Variants in SHB observed in about 807,000 individuals in gnomAD.
SHB encodes SH2 domain-containing adapter protein B.
Under a neutral mutation model 52.3 loss-of-function variants are expected in SHB, and 20 were observed. The observed-to-expected ratio is 0.38, with a 90% CI of 0.27 to 0.56. The LOEUF is 0.56. Ranked by LOEUF, SHB falls within the 20% of genes least tolerant of loss-of-function variation. The pLI, the probability that SHB is intolerant of heterozygous loss-of-function variation, is 0.71. For missense variants in SHB, 825 were observed against 723.3 expected (o/e 1.14, Z -1.61); for synonymous variants, 397 against 316.5 (o/e 1.25, Z -2.70).
chr9:37,982,992 C>T (rs1214952932), intron 2 of SHB, among the ~76,000 whole-genome samples: 1 of 136,826 alleles, frequency 7.3e-6, no homozygotes. Context: ...TCCATCTTTT[C>T]CAGCTGTGCT....
chr9:38,047,403 G>A (rs898435860), intron 1 of SHB, among the ~76,000 whole-genome samples: 2 of 152,214 alleles, frequency 1.3e-5, no homozygotes, highest in African/African-American at 4.8e-5. Flanking sequence ...CCACAAGTGT[G>A]TACACACACC....
intron 1 of SHB, among the ~76,000 whole-genome samples, chr9:38,067,464 G>A (rs1821985146): frequency 6.6e-6 from 1 of 152,218 alleles, no homozygotes; most frequent in South Asian, 2.1e-4. Context: ...GCTGGAGACA[G>A]CCGGTCCGGA....
chr9:37,992,167 G>A (rs1394392916), intron 2 of SHB, among the ~76,000 whole-genome samples: 2 of 152,176 alleles, frequency 1.3e-5, no homozygotes, highest in African/African-American at 4.8e-5. Flanking sequence ...TTGAGAGGCC[G>A]AGGTGGGAGG....
At chr9:37,963,821 T>C (rs1249892959) in intron 3 of SHB, among the ~76,000 whole-genome samples, 4 of 152,224 alleles carry the variant, frequency 2.6e-5, no homozygotes, top group Non-Finnish European at 5.9e-5. Flanking sequence ...CATCTGTAGA[T>C]GACTGAAACC....
chr9:38,059,744 C>A (rs1051594758), intron 1 of SHB, among the ~76,000 whole-genome samples: 15 of 152,170 alleles, frequency 9.9e-5, no homozygotes, highest in Non-Finnish European at 2.9e-5. Context: ...CCACACCACC[C>A]CGGCACAAAG....
At chr9:38,035,951 T>A (rs1821481157) in intron 1 of SHB, among the ~76,000 whole-genome samples, 1 of 152,084 alleles carries the variant, frequency 6.6e-6, no homozygotes. Flanking sequence ...TGAGAATCAC[T>A]CTCTGGTCTC....
At chr9:38,044,667 AG>A (rs1821626688) in intron 1 of SHB, among the ~76,000 whole-genome samples, 1 of 152,206 alleles carries the variant, frequency 6.6e-6, no homozygotes, top group African/African-American at 2.4e-5. Context: ...TAAAATGTAG[AG>A]TCTTGGCTGC....
intron 1 of SHB, among the ~76,000 whole-genome samples, chr9:38,050,838 C>T (rs561128715): frequency 8.1e-4 from 123 of 151,584 alleles, no homozygotes; most frequent in Non-Finnish European, 1.6e-3. Context: ...ATAATCATTC[C>T]CAAAAAGGCC....
chr9:38,068,440 G>C lies in SHB; in HGVS notation c.206C>G (p.Ser69Trp). ...GGTGCTGCCGCTGTCGTCGGGCAGC[G>C]AGCCCGAAGAGGCTGAGAAGCAGGA... ...TASCFSASSGSLPDDSGSTSD... is the reference protein window; with the variant it reads ...TASCFSASSGWLPDDSGSTSD... Residue 69 changes from serine to tryptophan, a missense_variant, in exon 1 of 6, where the codon TCG (serine) becomes TGG (tryptophan). Physicochemically the swap from Ser to Trp is radical, Grantham distance 177. Coordinates refer to ENST00000377707, the MANE Select transcript of SHB (RefSeq NM_003028.3). The C allele has an allele frequency of 6.5e-7, 1 of 1,546,326 alleles. No individual in the cohort carries two copies. Among genetic ancestry groups the C allele is most frequent in the Non-Finnish European group, 8.7e-7 (1 of 1,150,676 alleles).
intron 1 of SHB, among the ~76,000 whole-genome samples, chr9:38,065,998 G>GT (rs1821956002): frequency 6.6e-6 from 1 of 152,070 alleles, no homozygotes; most frequent in Admixed American, 6.5e-5. Context: ...CTGTAACCCT[G>GT]TAACACGAGG....
intron 2 of SHB, among the ~76,000 whole-genome samples, chr9:37,984,889 C>T (rs767235209): frequency 6.6e-6 from 1 of 152,132 alleles, no homozygotes; most frequent in Non-Finnish European, 1.5e-5. Flanking sequence ...GGGTGAGTGG[C>T]ATGGAAGAGC....
intron 1 of SHB, among the ~76,000 whole-genome samples, chr9:38,064,300 T>A (rs1199441365): frequency 3.9e-5 from 6 of 152,180 alleles, no homozygotes. Flanking sequence ...ATCCCTTCCC[T>A]GGCTCAACAA....
At chr9:37,942,002 A>C (rs922655231) in intron 5 of SHB, among the ~76,000 whole-genome samples, 3 of 152,192 alleles carry the variant, frequency 2.0e-5, no homozygotes, top group African/African-American at 7.2e-5. Context: ...CAACAAACTA[A>C]GATTAATCAC....
At chr9:38,057,165 G>T (rs1057357744) in intron 1 of SHB, among the ~76,000 whole-genome samples, 3 of 152,224 alleles carry the variant, frequency 2.0e-5, no homozygotes, top group African/African-American at 7.2e-5. Context: ...GTGAAAACGA[G>T]GAAAAGCCCA....
intron 2 of SHB, among the ~76,000 whole-genome samples, chr9:38,014,192 G>A (rs773142443): frequency 8.6e-5 from 13 of 151,884 alleles, no homozygotes; most frequent in Non-Finnish European, 1.6e-4. Flanking sequence ...TGTAAAATGA[G>A]GCTGTTAGGT....
At chr9:37,942,115 G>A (rs550840050) in intron 5 of SHB, among the ~76,000 whole-genome samples, 2 of 152,254 alleles carry the variant, frequency 1.3e-5, no homozygotes, top group South Asian at 2.1e-4. Context: ...TAACTGCCAC[G>A]CACCCCCAGT....
At chr9:38,024,371 G>A (rs372791528) in intron 1 of SHB, among the ~76,000 whole-genome samples, 1 of 152,276 alleles carries the variant, frequency 6.6e-6, no homozygotes, top group South Asian at 2.1e-4. Context: ...AGGAGGCTGG[G>A]AGTGTGGGGG....
chr9:38,056,756 T>C (rs1295261183), intron 1 of SHB, among the ~76,000 whole-genome samples: 1 of 152,190 alleles, frequency 6.6e-6, no homozygotes, highest in East Asian at 1.9e-4. Context: ...TTACAAACTT[T>C]AAAAAATGTT....
At chr9:37,992,073 G>T (rs574691566) in intron 2 of SHB, among the ~76,000 whole-genome samples, 1 of 152,212 alleles carries the variant, frequency 6.6e-6, no homozygotes. Context: ...CGGAGCACCT[G>T]TGTTGCTGTT....
Sources: gnomAD v4.1 joint callset for allele counts (sites outside exome capture counted in the v4.1 genomes callset) on GRCh38, gnomAD v4.1.1 for gene constraint, MANE v1.5 for transcripts, NCBI Gene and HGNC (gene_info 2026-07-23, HGNC 2026-07-21) for gene names.